PALLD: variants seen among roughly 807,000 people sequenced by gnomAD.
The protein encoded by PALLD is palladin.
PALLD carries 61 observed loss-of-function variants against 123.5 expected under a neutral mutation model. That is an observed-to-expected ratio of 0.49 (90% CI 0.40 to 0.61). The LOEUF is 0.61. Among genes scored for constraint, PALLD ranks in the 20% least tolerant of loss-of-function variants. The pLI is 0.00. For synonymous variants in PALLD, 465 were observed against 496.4 expected (o/e 0.94, Z 0.84); for missense variants, 1,273 against 1,377.0 (o/e 0.92, Z 1.20).
intron 10 of PALLD, among the ~76,000 whole-genome samples, chr4:168,770,240 T>C (rs1350118327): frequency 6.6e-6 from 1 of 152,216 alleles, no homozygotes; most frequent in Non-Finnish European, 1.5e-5. Context: ...TTAAGCTTAG[T>C]TAAAAGAATT....
intron 10 of PALLD, among the ~76,000 whole-genome samples, chr4:168,789,213 G>T (rs1050004020): frequency 6.6e-6 from 1 of 151,998 alleles, no homozygotes. Context: ...GTAAATTTTG[G>T]CTCTAACTAG....
chr4:168,541,357 T>G (rs1765590561), intron 2 of PALLD, among the ~76,000 whole-genome samples: 1 of 152,238 alleles, frequency 6.6e-6, no homozygotes, highest in Non-Finnish European at 1.5e-5. Flanking sequence ...CGTCCTCTCT[T>G]AGACTGTCTT....
chr4:168,653,303 A>T (rs1204755415), intron 2 of PALLD, among the ~76,000 whole-genome samples: 3 of 152,254 alleles, frequency 2.0e-5, no homozygotes, highest in African/African-American at 7.2e-5. Context: ...ACTAAAGGCT[A>T]TAGGGAGACT....
At chr4:168,668,098 A>G (rs1779830543) in intron 2 of PALLD, 92 bp from the exon 3 acceptor site, 10 of 986,202 alleles carry the variant, frequency 1.0e-5, no homozygotes, top group Non-Finnish European at 1.3e-5. Flanking sequence ...ATCATTTTGC[A>G]TAGCAACCAG....
chr4:168,907,810 A>G (rs1160263757), intron 15 of PALLD, among the ~76,000 whole-genome samples: 1 of 152,166 alleles, frequency 6.6e-6, no homozygotes, highest in East Asian at 1.9e-4. Context: ...AGCCAAGGGT[A>G]AAATAACTAC....
chr4:168,811,776 T>TCACACACACACA (rs58914714), intron 10 of PALLD, among the ~76,000 whole-genome samples: 2 of 143,628 alleles, frequency 1.4e-5, no homozygotes, highest in African/African-American at 2.6e-5. Flanking sequence ...TCTCTCTCTC[T>TCACACACACACA]CACACACACA....
chr4:168,548,803 A>C (rs981936171), intron 2 of PALLD, among the ~76,000 whole-genome samples: 13 of 152,222 alleles, frequency 8.5e-5, no homozygotes, highest in African/African-American at 2.7e-4. Context: ...AAATGATTTT[A>C]TTCTTGAAAT....
chr4:168,631,002 C>T lies in PALLD; in HGVS notation c.909-37188C>T, dbSNP rs529926004. Among the ~76,000 whole-genome samples the T allele has an allele frequency of 7.9e-5, 12 of 152,312 alleles. 1 individual carries two copies. The highest frequency in any genetic ancestry group is 2.4e-4 in the African/African-American group (10 of 41,558). The stretch of plus-strand genomic sequence containing the variant: ...CACATGTTCATCCCTCAATGAGTCG[C>T]AACCTTGGGTCTGTTCCCTAGACAT... On this transcript the variant is annotated intron_variant, in intron 2 of 21. Coordinates refer to ENST00000505667, the MANE Select transcript of PALLD (RefSeq NM_001166108.2).
At position 168,654,448 on chromosome 4, in the gene PALLD, AAAG is replaced by A. The variant is rs1349700525; in HGVS notation, c.909-13736_909-13734del. Among the ~76,000 whole-genome samples the A allele has an allele frequency of 2.0e-5, 3 of 152,338 alleles. No individual in the cohort carries two copies. The East Asian group carries it at 5.8e-4, about 29-fold the overall frequency. On this transcript the variant is annotated intron_variant, in intron 2 of 21. Transcript: ENST00000505667. ...GGTAGTGAGGCTCTAATTGTGTCAG[AAAG>A]AAGAACATTTTCATCATGACATAAC...
Position 168,917,915 on chromosome 4 carries a change from C to T in PALLD, c.2850+1888C>T, listed in dbSNP as rs1165082983. Among the ~76,000 whole-genome samples, 3 of 151,974 alleles carry T rather than the reference C, an allele frequency of 2.0e-5. No individual in the cohort carries two copies. In the East Asian group the frequency reaches 5.8e-4, roughly 29 times the overall value. On this transcript the variant is annotated intron_variant, in intron 17 of 21. Coordinates refer to ENST00000505667, the MANE Select transcript of PALLD (RefSeq NM_001166108.2). ...CTTATATATCCGAGGAAAATGAAAT[C>T]AGAGGCTGGGCACAGTGGCACACGC...
intron 6 of PALLD, among the ~76,000 whole-genome samples, chr4:168,689,882 C>G (rs1173522298): frequency 6.6e-6 from 1 of 152,152 alleles, no homozygotes; most frequent in Admixed American, 6.5e-5. Flanking sequence ...TATTTAAGAA[C>G]AAGTATAAAA....
intron 10 of PALLD, among the ~76,000 whole-genome samples, chr4:168,731,058 C>T (rs1040500166): frequency 2.0e-5 from 3 of 152,164 alleles, no homozygotes; most frequent in Admixed American, 1.3e-4. Flanking sequence ...AGCTCCATTC[C>T]TCTTCCCCAC....
At chr4:168,715,596 A>G (rs1785270091) in intron 10 of PALLD, among the ~76,000 whole-genome samples, 1 of 152,194 alleles carries the variant, frequency 6.6e-6, no homozygotes, top group Non-Finnish European at 1.5e-5. Flanking sequence ...ATATTTGAAG[A>G]TCAAAATAAA....
intron 10 of PALLD, among the ~76,000 whole-genome samples, chr4:168,867,313 A>G (rs941567105): frequency 6.6e-6 from 1 of 152,178 alleles, no homozygotes; most frequent in East Asian, 1.9e-4. Flanking sequence ...AGTAGTAGCA[A>G]TAGTCATGCT....
chr4:168,502,246 C>T (rs939226636), intron 1 of PALLD, among the ~76,000 whole-genome samples: 9 of 152,042 alleles, frequency 5.9e-5, no homozygotes, highest in Admixed American at 5.2e-4. Flanking sequence ...TGCTAGTATC[C>T]GTGTGAAAGA....
chr4:168,521,588 G>A (rs1345422948), intron 2 of PALLD, among the ~76,000 whole-genome samples: 4 of 151,852 alleles, frequency 2.6e-5, no homozygotes, highest in Admixed American at 6.6e-5. Context: ...TAAACTCCCC[G>A]CACTCTACCT....
intron 10 of PALLD, among the ~76,000 whole-genome samples, chr4:168,860,097 C>T (rs1168785827): frequency 2.6e-5 from 4 of 152,116 alleles, no homozygotes; most frequent in Non-Finnish European, 4.4e-5. Flanking sequence ...GATGTGAAAT[C>T]GGGTGAACAC....
intron 15 of PALLD, among the ~76,000 whole-genome samples, chr4:168,905,276 T>A (rs1054086613): frequency 1.5e-3 from 216 of 143,804 alleles, no homozygotes; most frequent in Non-Finnish European, 2.2e-3. Flanking sequence ...TCAGCCTCCC[T>A]AGTAGCTGGG....
At position 168,924,344 on chromosome 4, in the gene PALLD, G is replaced by C; in HGVS notation, c.3148G>C (p.Val1050Leu). Residue 1050 changes from valine (V) to leucine (L), a missense_variant, in exon 19 of 22, where the codon GTA (valine) becomes CTA (leucine). This residue lies in a region of PALLD where 329 missense variants were observed against 422.5 expected (regional missense o/e 0.78). Transcript: ENST00000505667. ...GTACCCAGTGCGGCTGGAATGTCGT[G>C]TATTGGGAGTGCCACCACCTCAGAT... ...DGYPVRLECR[V>L]LGVPPPQIFW... The C allele has an allele frequency of 6.2e-7, 1 of 1,613,930 alleles. No homozygotes were observed. The highest frequency in any genetic ancestry group is 8.5e-7 in the Non-Finnish European group (1 of 1,179,860).
Sources: allele counts gnomAD v4.1 joint callset (sites outside exome capture counted in the v4.1 genomes callset), GRCh38; gene constraint gnomAD v4.1.1; regional missense constraint gnomAD v4.1.1; transcripts MANE v1.5; gene names NCBI Gene and HGNC (gene_info 2026-07-23, HGNC 2026-07-21).